KMT2C: variants seen among roughly 807,000 people sequenced by gnomAD.
KMT2C encodes lysine methyltransferase 2C.
Under a neutral mutation model 507.9 loss-of-function variants are expected in KMT2C, and 88 were observed. That is an observed-to-expected ratio of 0.17 (90% CI 0.15 to 0.21). KMT2C has a LOEUF of 0.21. Among genes scored for constraint, KMT2C ranks in the 10% least tolerant of loss-of-function variants. The pLI is 1.00. For synonymous variants in KMT2C, 2,049 were observed against 2,080.8 expected (o/e 0.98, Z 0.42); for missense variants, 4,954 against 5,957.8 (o/e 0.83, Z 5.55).
intron 7 of KMT2C, among the ~76,000 whole-genome samples, chr7:152,273,066 T>C (rs2096007386): frequency 6.6e-6 from 1 of 152,184 alleles, no homozygotes; most frequent in South Asian, 2.1e-4. Context: ...GAGATCTCTA[T>C]TTAATGATAC....
At chr7:152,157,668 A>T in intron 44 of KMT2C, 1 of 797,700 alleles carries the variant, frequency 1.3e-6, no homozygotes, top group Non-Finnish European at 1.6e-6. Context: ...GGAAGAGTAG[A>T]TGTAAACTAA....
At position 152,196,036 on chromosome 7, in the gene KMT2C, A is replaced by G. The variant is rs773787807; in HGVS notation, c.4274-25T>C. The stretch of plus-strand genomic sequence containing the variant: ...CCTAAATATAGTAAATATGTTTTTT[A>G]AAATTTCAGTATTTTCTCAGATATT... On this transcript the variant is annotated intron_variant, in intron 27 of 58. Transcript: ENST00000262189. The G allele has an allele frequency of 2.8e-6, 4 of 1,414,598 alleles. No individual in the cohort carries two copies. In the South Asian group the frequency reaches 5.1e-5, roughly 18 times the overall value. 87.6% of individuals were successfully genotyped at this position (1,414,598 alleles called of 1,614,324 possible). A position where few individuals can be genotyped will look rare whatever the true frequency, so the allele number is the denominator to read the frequency against.
At chr7:152,393,366 A>G (rs754544767) in intron 1 of KMT2C, among the ~76,000 whole-genome samples, 9 of 152,260 alleles carry the variant, frequency 5.9e-5, no homozygotes, top group Admixed American at 3.3e-4. Context: ...CTAGAATTAT[A>G]TAACAAATAC....
intron 38 of KMT2C, among the ~76,000 whole-genome samples, chr7:152,174,985 T>C (rs2093133863): frequency 6.6e-6 from 1 of 152,172 alleles, no homozygotes; most frequent in African/African-American, 2.4e-5. Context: ...AATTCATCCT[T>C]CCATGACTGA....
intron 31 of KMT2C, among the ~76,000 whole-genome samples, chr7:152,193,086 G>C (rs1031797780): frequency 6.6e-6 from 1 of 152,150 alleles, no homozygotes; most frequent in Non-Finnish European, 1.5e-5. Flanking sequence ...GAGGACAGTA[G>C]GATCGCTTGA....
chr7:152,399,004 AT>A (rs935812756), intron 1 of KMT2C, among the ~76,000 whole-genome samples: 1 of 149,364 alleles, frequency 6.7e-6, no homozygotes, highest in African/African-American at 2.5e-5. Flanking sequence ...TTTTTGTGGG[AT>A]TTTTTTAGGG....
rs561930862 is a variant in KMT2C, at chr7:152,139,227, G to A, written c.14493C>T (p.Asn4831=). ...TGAGCGTCGCGTCAATCACATGGTC[G>A]TTATCCATGCGGAACATGTACACAC... ...NRGVYMFRMD[N]DHVIDATLTG... is the part of the protein sequence containing the mutation. The change falls in exon 57 of 59, where the codon AAC becomes AAT. Residue 4831 remains asparagine (N), a synonymous_variant. Coordinates refer to ENST00000262189, the MANE Select transcript of KMT2C (RefSeq NM_170606.3). 3.4e-5 allele frequency: 55 copies of A among 1,613,832 alleles called. No homozygotes were observed. The highest frequency in any genetic ancestry group is 4.4e-5 in the Non-Finnish European group (52 of 1,180,018).
chr7:152,237,117 T>C (rs3904103), intron 15 of KMT2C, among the ~76,000 whole-genome samples: 1 of 152,176 alleles, frequency 6.6e-6, no homozygotes, highest in Admixed American at 6.5e-5. Context: ...CCTAAGTAGA[T>C]GAATTATGTA....
intron 1 of KMT2C, among the ~76,000 whole-genome samples, chr7:152,409,563 CAAAAAAAA>C (rs367688749): frequency 3.0e-5 from 3 of 98,762 alleles, no homozygotes; most frequent in African/African-American, 1.0e-4. Context: ...GCTAAAAATA[CAAAAAAAA>C]AAAAAAAAAA....
chr7:152,383,824 T>C (rs2116489819), intron 1 of KMT2C, among the ~76,000 whole-genome samples: 1 of 152,278 alleles, frequency 6.6e-6, no homozygotes, highest in Non-Finnish European at 1.5e-5. Context: ...TAGTGCCTGG[T>C]ACTACAGTTA....
intron 1 of KMT2C, among the ~76,000 whole-genome samples, chr7:152,431,114 C>A (rs1021099627): frequency 6.6e-6 from 1 of 152,016 alleles, no homozygotes; most frequent in Non-Finnish European, 1.5e-5. Flanking sequence ...TCACAAGTGT[C>A]AGAATGGGAA....
intron 3 of KMT2C, among the ~76,000 whole-genome samples, chr7:152,326,845 C>T (rs2096833507): frequency 1.3e-5 from 2 of 152,136 alleles, no homozygotes; most frequent in Admixed American, 1.3e-4. Context: ...CGTGCCACTG[C>T]ACTCCAGCCT....
chr7:152,389,927 T>C (rs2116536472), intron 1 of KMT2C, among the ~76,000 whole-genome samples: 2 of 152,332 alleles, frequency 1.3e-5, no homozygotes, highest in East Asian at 3.9e-4. Flanking sequence ...CTACACTCTT[T>C]TTCATCCTCT....
At chr7:152,260,053 T>C (rs2095742082) in intron 9 of KMT2C, among the ~76,000 whole-genome samples, 1 of 152,176 alleles carries the variant, frequency 6.6e-6, no homozygotes, top group African/African-American at 2.4e-5. Context: ...CTTCATTAAA[T>C]CCAACATCCC....
rs796315238 is a variant in KMT2C, at chr7:152,356,897, G to T, written c.250+1690C>A. 8.3e-3 allele frequency among the ~76,000 whole-genome samples: 1,148 copies of T among 138,334 alleles called. 20 individuals are homozygous for T. Among genetic ancestry groups the T allele is most frequent in the African/African-American group, 0.03 (1,090 of 36,934 alleles). The allele number at this position is 138,334 out of a possible 152,430, so 90.8% of individuals were successfully genotyped here. On this transcript the variant is annotated intron_variant, in intron 2 of 58. Transcript: ENST00000262189. ...CAAGAGTGAGACTCCAACTCAAAAA[G>T]AATAATAATAATAATAATAATAATA...
At chr7:152,218,481 T>G (rs1394575735) in intron 23 of KMT2C, among the ~76,000 whole-genome samples, 1 of 152,014 alleles carries the variant, frequency 6.6e-6, no homozygotes, top group Non-Finnish European at 1.5e-5. Flanking sequence ...ACAAATGACA[T>G]ACCTTTTCAA....
At chr7:152,354,618 G>A (rs940915082) in intron 2 of KMT2C, among the ~76,000 whole-genome samples, 2 of 152,192 alleles carry the variant, frequency 1.3e-5, no homozygotes, top group African/African-American at 2.4e-5. Context: ...CTGTAACTGA[G>A]TAGAGACTTG....
chr7:152,240,126 C>A (rs1180598371), intron 14 of KMT2C, among the ~76,000 whole-genome samples: 1 of 152,188 alleles, frequency 6.6e-6, no homozygotes, highest in African/African-American at 2.4e-5. Flanking sequence ...CTTTCTTACC[C>A]ATCAAATCTC....
chr7:152,171,718 A>G (rs746352923), intron 39 of KMT2C, among the ~76,000 whole-genome samples: 2 of 152,258 alleles, frequency 1.3e-5, no homozygotes, highest in Non-Finnish European at 1.5e-5. Context: ...CAGAATAAAA[A>G]TAAGTTGATT....
Sources: allele counts gnomAD v4.1 joint callset (sites outside exome capture counted in the v4.1 genomes callset), GRCh38; gene constraint gnomAD v4.1.1; transcripts MANE v1.5; gene names NCBI Gene and HGNC (gene_info 2026-07-23, HGNC 2026-07-21).